Variants in MGAT3 observed in about 807,000 individuals in gnomAD.
MGAT3 encodes the protein beta-1,4-mannosyl-glycoprotein 4-beta-N-acetylglucosaminyltransferase.
A neutral mutation model predicts 29.8 loss-of-function variants in MGAT3; 9 were observed. The ratio of observed to expected loss-of-function variants is 0.30; its 90% CI spans 0.18 to 0.53. The LOEUF is 0.53. Ranked by LOEUF, MGAT3 falls within the 20% of genes least tolerant of loss-of-function variation. MGAT3 has a pLI of 0.96. For missense variants in MGAT3, 557 were observed against 769.5 expected, an observed-to-expected ratio of 0.72 and a Z score of 3.27; for synonymous variants, 397 against 348.9, an observed-to-expected ratio of 1.14 and a Z score of -1.54.
intron 1 of MGAT3, among the ~76,000 whole-genome samples, chr22:39,459,608 C>T (rs1474737541): frequency 3.3e-5 from 5 of 152,206 alleles, no homozygotes; most frequent in South Asian, 2.1e-4. Flanking sequence ...GGACTACAGG[C>T]GTGAGCCAAC....
Position 39,487,736 on chromosome 22 carries a change from C to A in MGAT3, c.389C>A (p.Pro130Gln), listed in dbSNP as rs754879346. The change falls in exon 2 of 2, where the codon CCG becomes CAG. Residue 130 changes from proline (P) to glutamine (Q), a missense_variant. By Grantham distance (76) the Pro-to-Gln change is moderately conservative. Around this residue, in one of 3 missense-constraint regions of MGAT3, gnomAD observed 212 missense variants for 228.5 expected, o/e 0.93. Transcript: ENST00000341184. This position sits in a 1 kb window ranked among gnomAD's most constrained non-coding sequence, Gnocchi z 5.7. ...PGTKMLERPP[P>Q]GRPEEKPEGA... is the part of the protein sequence containing the mutation. ...ACCAAGATGCTGGAGAGGCCGCCCCCGGGACGGCCGGAGGAGAAGCCTGAG... is the reference window on the plus strand; with the variant it reads ...ACCAAGATGCTGGAGAGGCCGCCCCAGGGACGGCCGGAGGAGAAGCCTGAG... The A allele has an allele frequency of 6.5e-7, 1 of 1,542,592 alleles. No individual in the cohort carries two copies.
rs1929468103 is a variant in MGAT3, at chr22:39,492,136, T to C, written c.*3187T>C. 1 of 167,108 alleles carries C rather than the reference T, an allele frequency of 6.0e-6. No homozygotes were observed. The highest frequency in any genetic ancestry group is 1.5e-5 in the Non-Finnish European group (1 of 68,112). 10.4% of individuals were successfully genotyped at this position (167,108 alleles called of 1,614,324 possible). ...AAATGGTTGGATTTCATTTCACCCT[T>C]AAAGGGATGCTTAAAGGAGAAGATA... On this transcript the variant is annotated 3_prime_UTR_variant, in exon 2 of 2. Transcript: ENST00000341184.
rs1296803909 is a variant in MGAT3, at chr22:39,488,879, G to A, written c.1532G>A (p.Gly511Asp). ...PYQEPRSTAA[G>D]GWRHRGPEGR... ...CAGGAGCCCAGGAGCACGGCGGCGG[G>A]CGGGTGGCGCCACAGGGGTCCCGAG... The change falls in exon 2 of 2, where the codon GGC (glycine) becomes GAC (aspartate). Residue 511 changes from glycine (G) to aspartate (D), a missense_variant. Gly to Asp is a moderately conservative substitution (Grantham distance 94, BLOSUM62 -1). Around this residue, in one of 3 missense-constraint regions of MGAT3, gnomAD observed 102 missense variants for 97.0 expected, o/e 1.05. Coordinates refer to ENST00000341184, the MANE Select transcript of MGAT3 (RefSeq NM_002409.5). 1 of 1,598,924 alleles carries A rather than the reference G, an allele frequency of 6.3e-7. No individual in the cohort carries two copies. Among genetic ancestry groups the A allele is most frequent in the Non-Finnish European group, 8.5e-7 (1 of 1,173,480 alleles).
chr22:39,458,328 G>A (rs1381164739), intron 1 of MGAT3, among the ~76,000 whole-genome samples: 2 of 152,058 alleles, frequency 1.3e-5, no homozygotes, highest in South Asian at 2.1e-4. Context: ...GTCTGAGGTC[G>A]GATGACCCCC....
At chr22:39,480,711 A>G (rs1366255634) in intron 1 of MGAT3, among the ~76,000 whole-genome samples, 2 of 152,220 alleles carry the variant, frequency 1.3e-5, no homozygotes, top group African/African-American at 2.4e-5. Flanking sequence ...CAGGAGGAGA[A>G]GTAGTGGTTA....
chr22:39,466,206 G>A (rs573181019), intron 1 of MGAT3, among the ~76,000 whole-genome samples: 1 of 152,332 alleles, frequency 6.6e-6, no homozygotes, highest in Admixed American at 6.5e-5. Context: ...ACAGCGGGAA[G>A]AAAAGGAGCC....
intron 1 of MGAT3, among the ~76,000 whole-genome samples, chr22:39,484,726 G>C (rs1929222724): frequency 6.6e-6 from 1 of 151,988 alleles, no homozygotes; most frequent in African/African-American, 2.4e-5. Flanking sequence ...AGGGAGGCTG[G>C]CCATGGTGGT....
intron 1 of MGAT3, among the ~76,000 whole-genome samples, chr22:39,474,936 G>A (rs961984892): frequency 3.3e-5 from 5 of 152,036 alleles, no homozygotes; most frequent in African/African-American, 1.2e-4. Context: ...CCCTGATAAG[G>A]TCCCTCTCTG....
At chr22:39,481,523 CG>C (rs1569004501) in intron 1 of MGAT3, among the ~76,000 whole-genome samples, 1 of 152,210 alleles carries the variant, frequency 6.6e-6, no homozygotes, top group Non-Finnish European at 1.5e-5. Flanking sequence ...GCCTGGCACA[CG>C]GGGCTCTGGC....
rs1008698220 is a variant in MGAT3, at chr22:39,457,864, G to A, written c.-2+307G>A. ...ACGGCCGGGCGGGGGACGTCCCCGA[G>A]GCGCGGGGCTCGAGCCGTGCTTTGT... is the stretch of plus-strand genomic sequence containing the variant. On this transcript the variant is annotated intron_variant, in intron 1 of 1. Transcript: ENST00000341184. The surrounding 1 kb of genome is among the most constrained non-coding windows in gnomAD (Gnocchi z 6.8). 2.6e-5 allele frequency among the ~76,000 whole-genome samples: 4 copies of A among 151,450 alleles called. No homozygotes were observed. Among genetic ancestry groups the A allele is most frequent in the African/African-American group, 7.3e-5 (3 of 41,362 alleles).
chr22:39,486,144 AT>A (rs34708754), intron 1 of MGAT3: 174,149 of 362,156 alleles, frequency 0.48, 28,722 homozygotes, highest in East Asian at 0.67. Context: ...TAGACCTCAA[AT>A]TTTTTTTTTT....
intron 1 of MGAT3, among the ~76,000 whole-genome samples, chr22:39,469,865 G>C (rs754369666): frequency 6.6e-6 from 1 of 152,354 alleles, no homozygotes. Flanking sequence ...GCAGGGCGGC[G>C]CTGAACTCAG....
chr22:39,485,883 ATAAAT>A (rs543582927), intron 1 of MGAT3, among the ~76,000 whole-genome samples: 125 of 152,378 alleles, frequency 8.2e-4, no homozygotes, highest in Non-Finnish European at 1.1e-3. Flanking sequence ...AAACTGATTG[ATAAAT>A]TAAACTGTAT....
chr22:39,461,293 C>T (rs970177358), intron 1 of MGAT3, among the ~76,000 whole-genome samples: 1 of 151,984 alleles, frequency 6.6e-6, no homozygotes, highest in African/African-American at 2.4e-5. Context: ...GAGCTGCGGG[C>T]GATACTGTAG....
At chr22:39,480,989 T>C (rs1441420336) in intron 1 of MGAT3, among the ~76,000 whole-genome samples, 15 of 151,812 alleles carry the variant, frequency 9.9e-5, no homozygotes, top group Admixed American at 9.8e-4. Context: ...GAAGTGCCCA[T>C]TCATTCTCAG....
chr22:39,486,356 G>C, intron 1 of MGAT3: 5 of 263,932 alleles, frequency 1.9e-5, no homozygotes, highest in South Asian at 1.6e-4. Flanking sequence ...TGTTGGCCAG[G>C]CTGGTCTCGA....
intron 1 of MGAT3, among the ~76,000 whole-genome samples, chr22:39,458,013 G>C (rs1047813040): frequency 6.6e-6 from 1 of 152,054 alleles, no homozygotes; most frequent in Non-Finnish European, 1.5e-5. Context: ...GGCGGCAGCC[G>C]AGGCCCAAGC....
intron 1 of MGAT3, among the ~76,000 whole-genome samples, chr22:39,471,101 C>G (rs1023087420): frequency 2.0e-5 from 3 of 151,942 alleles, no homozygotes; most frequent in African/African-American, 7.3e-5. Flanking sequence ...AGACCAAAGG[C>G]TCTGGCTGCC....
rs1005425196 is a variant in MGAT3, at chr22:39,458,981, C to G, written c.-2+1424C>G. 2.6e-5 allele frequency among the ~76,000 whole-genome samples: 4 copies of G among 152,326 alleles called. No homozygotes were observed. In the East Asian group the frequency reaches 7.7e-4, roughly 29 times the overall value. On this transcript the variant is annotated intron_variant, in intron 1 of 1. Transcript: ENST00000341184. ...CCTGGCTGGGGGGATGCCGCTGGCT[C>G]AGACCCATTCTAAGGGTCTGCCTGG...
Sources: allele counts gnomAD v4.1 joint callset (sites outside exome capture counted in the v4.1 genomes callset), GRCh38; gene constraint gnomAD v4.1.1; regional missense constraint gnomAD v4.1.1; non-coding constraint Gnocchi (gnomAD v3.1); transcripts MANE v1.5; gene names NCBI Gene and HGNC (gene_info 2026-07-23, HGNC 2026-07-21).